The following ERC2 variants were observed in gnomAD, a reference collection of about 807,000 sequenced individuals.
The protein encoded by ERC2 is ERC protein 2.
ERC2 carries 42 observed loss-of-function variants against 114.8 expected under a neutral mutation model. That is an observed-to-expected ratio of 0.37 (90% confidence interval 0.29 to 0.47). The LOEUF is 0.47. Ranked by LOEUF, ERC2 falls within the 20% of genes least tolerant of loss-of-function variation. ERC2 has a pLI of 0.99. For missense variants in ERC2, 939 were observed against 1,150.7 expected (o/e 0.82, Z 2.66); for synonymous variants, 454 against 425.5 (o/e 1.07, Z -0.82).
chr3:55,563,113 C>T (rs181591510), intron 17 of ERC2, among the ~76,000 whole-genome samples: 2 of 152,140 alleles, frequency 1.3e-5, no homozygotes, highest in African/African-American at 4.8e-5. Context: ...AATATCAGCT[C>T]CAGATACCAG....
chr3:55,720,137 T>C lies in ERC2; in HGVS notation c.2712+14634A>G, dbSNP rs192233698. Among the ~76,000 whole-genome samples the C allele has an allele frequency of 7.4e-3, 8 of 1,078 alleles. 1 individual carries two copies. Among genetic ancestry groups the C allele is most frequent in the Non-Finnish European group, 0.015 (7 of 472 alleles). The allele number at this position is 1,078 out of a possible 152,430, so 0.7% of individuals were successfully genotyped here. A position where few individuals can be genotyped will look rare whatever the true frequency, so the allele number is the denominator to read the frequency against. ...CTCCTCCTCCTTCTTCTTCCTCTTCTTCTTCCTCTTCTTCTTCTTCTTCTT... is the reference window on the plus strand; with the variant it reads ...CTCCTCCTCCTTCTTCTTCCTCTTCCTCTTCCTCTTCTTCTTCTTCTTCTT... On this transcript the variant is annotated intron_variant, in intron 15 of 17. Transcript: ENST00000288221.
At chr3:56,378,295 A>G (rs1237879298) in intron 2 of ERC2, among the ~76,000 whole-genome samples, 1 of 148,882 alleles carries the variant, frequency 6.7e-6, no homozygotes, top group African/African-American at 2.5e-5. Flanking sequence ...ATTGGAAATC[A>G]TCATTCTCAG....
Position 56,171,844 on chromosome 3 carries a change from T to C in ERC2, c.1149+1602A>G, listed in dbSNP as rs1194992035. Among the ~76,000 whole-genome samples, 71 of 39,168 alleles carry C rather than the reference T, an allele frequency of 1.8e-3. No individual in the cohort carries two copies. In the Middle Eastern group the frequency reaches 0.031, roughly 17 times the overall value. 25.7% of individuals were successfully genotyped at this position (39,168 alleles called of 152,430 possible). Reference sequence around the variant, plus strand: ...TTCCAAAGGCCTTGGAAACTCGCTCTTTTTTTTTTTTTTCTTAAATGATAA... The same window carrying C: ...TTCCAAAGGCCTTGGAAACTCGCTCCTTTTTTTTTTTTTCTTAAATGATAA... On this transcript the variant is annotated intron_variant, in intron 4 of 17. Coordinates refer to ENST00000288221, the MANE Select transcript of ERC2 (RefSeq NM_015576.3).
chr3:55,744,453 C>G (rs1475192167), intron 14 of ERC2, among the ~76,000 whole-genome samples: 1 of 152,080 alleles, frequency 6.6e-6, no homozygotes, highest in African/African-American at 2.4e-5. Context: ...GCAAAACAAA[C>G]AAACAAAAAG....
chr3:55,956,444 A>ATT (rs11298196), intron 12 of ERC2, among the ~76,000 whole-genome samples: 2,522 of 151,130 alleles, frequency 0.017, 61 homozygotes, highest in African/African-American at 0.055. Context: ...AGATTATTTC[A>ATT]TTTTTTTTTT....
chr3:55,655,956 A>C (rs1437078979), intron 17 of ERC2, among the ~76,000 whole-genome samples: 1 of 152,184 alleles, frequency 6.6e-6, no homozygotes, highest in African/African-American at 2.4e-5. Flanking sequence ...TATCTGAGGA[A>C]ACTGAGCCTT....
chr3:56,118,827 G>A (rs1185630906), intron 6 of ERC2, among the ~76,000 whole-genome samples: 1 of 151,794 alleles, frequency 6.6e-6, no homozygotes, highest in South Asian at 2.1e-4. Flanking sequence ...TAGTAGAGAC[G>A]GGGTTTCACC....
chr3:56,285,612 A>C (rs2054646722), intron 3 of ERC2, among the ~76,000 whole-genome samples: 1 of 152,196 alleles, frequency 6.6e-6, no homozygotes, highest in African/African-American at 2.4e-5. Flanking sequence ...GGCAGGAAGA[A>C]GGGCAGAGAG....
chr3:56,113,933 G>T (rs2079095718), intron 6 of ERC2, among the ~76,000 whole-genome samples: 2 of 152,146 alleles, frequency 1.3e-5, no homozygotes, highest in Non-Finnish European at 2.9e-5. Context: ...GAATCATAAG[G>T]TTCATATATT....
chr3:56,170,650 G>A (rs1279772098), intron 4 of ERC2, among the ~76,000 whole-genome samples: 1 of 143,796 alleles, frequency 7.0e-6, no homozygotes, highest in East Asian at 2.0e-4. Context: ...AGGCTGGAGT[G>A]CAGTGGCGAG....
intron 2 of ERC2, among the ~76,000 whole-genome samples, chr3:56,348,638 C>T (rs1017647273): frequency 1.3e-5 from 2 of 151,584 alleles, no homozygotes; most frequent in African/African-American, 4.8e-5. Flanking sequence ...TTATTGAACA[C>T]TCTGTGCAGG....
chr3:55,824,680 G>A (rs2060260498), intron 14 of ERC2, among the ~76,000 whole-genome samples: 1 of 152,150 alleles, frequency 6.6e-6, no homozygotes, highest in Non-Finnish European at 1.5e-5. Context: ...GTAAAAGTAT[G>A]GATTCCTGAG....
At chr3:56,175,771 G>T (rs1220407252) in intron 3 of ERC2, among the ~76,000 whole-genome samples, 1 of 152,122 alleles carries the variant, frequency 6.6e-6, no homozygotes, top group Non-Finnish European at 1.5e-5. Flanking sequence ...CACAATAAAT[G>T]TAACAACCTC....
chr3:56,366,069 G>C (rs1354672299), intron 2 of ERC2, among the ~76,000 whole-genome samples: 6 of 152,192 alleles, frequency 3.9e-5, no homozygotes, highest in Non-Finnish European at 4.4e-5. Context: ...TCAGGGTTTA[G>C]TCAGTGACTG....
intron 6 of ERC2, among the ~76,000 whole-genome samples, chr3:56,104,721 T>TC (rs1302036926): frequency 6.6e-6 from 1 of 151,958 alleles, no homozygotes; most frequent in African/African-American, 2.4e-5. Context: ...TCTTAAAATA[T>TC]CCCCAAAGAA....
intron 7 of ERC2, among the ~76,000 whole-genome samples, chr3:56,057,753 A>T (rs73091012): frequency 0.13 from 20,508 of 152,234 alleles, 1,474 homozygotes; most frequent in East Asian, 0.16. Context: ...CAAAACAGAC[A>T]ATGATTCTGT....
intron 5 of ERC2, among the ~76,000 whole-genome samples, chr3:56,143,880 T>G: frequency 6.6e-6 from 1 of 152,256 alleles, no homozygotes; most frequent in East Asian, 1.9e-4. Flanking sequence ...AACAAGCTAC[T>G]GACAATATTA....
intron 5 of ERC2, among the ~76,000 whole-genome samples, chr3:56,146,335 T>C (rs1341563160): frequency 1.3e-5 from 2 of 152,050 alleles, no homozygotes; most frequent in African/African-American, 2.4e-5. Flanking sequence ...GAAACGTAAG[T>C]AATTAATGAT....
intron 10 of ERC2, among the ~76,000 whole-genome samples, chr3:55,993,141 C>A (rs1404335514): frequency 6.6e-6 from 1 of 152,084 alleles, no homozygotes; most frequent in East Asian, 1.9e-4. Flanking sequence ...GTTTTGCCTA[C>A]CCCTTGTTTC....
Sources: allele counts gnomAD v4.1 joint callset (sites outside exome capture counted in the v4.1 genomes callset), GRCh38; gene constraint gnomAD v4.1.1; transcripts MANE v1.5; gene names NCBI Gene and HGNC (gene_info 2026-07-23, HGNC 2026-07-21).